VAV2: variants seen among roughly 807,000 people sequenced by gnomAD.
VAV2 encodes the protein guanine nucleotide exchange factor VAV2.
Under a neutral mutation model 132.5 loss-of-function variants are expected in VAV2, and 67 were observed. The observed-to-expected ratio is 0.51, with a 90% CI of 0.42 to 0.62. VAV2 has a LOEUF of 0.62. Among genes scored for constraint, VAV2 ranks in the 20% least tolerant of loss-of-function variants. The pLI, the probability that VAV2 is intolerant of heterozygous loss-of-function variation, is 0.00. For synonymous variants in VAV2, 492 were observed against 443.5 expected, an observed-to-expected ratio of 1.11 and a Z score of -1.37; for missense variants, 938 against 1,153.6, an observed-to-expected ratio of 0.81 and a Z score of 2.71.
chr9:133,786,788 G>T (rs1353060521), intron 16 of VAV2, among the ~76,000 whole-genome samples: 2 of 152,226 alleles, frequency 1.3e-5, no homozygotes, highest in East Asian at 1.9e-4. Flanking sequence ...CCAGAAAAAA[G>T]AGTTTGGCAA....
intron 15 of VAV2, among the ~76,000 whole-genome samples, chr9:133,787,701 C>A (rs1289029632): frequency 6.6e-6 from 1 of 151,488 alleles, no homozygotes; most frequent in African/African-American, 2.4e-5. Flanking sequence ...AGACAGCCAG[C>A]CAGCAATAGC....
intron 4 of VAV2, among the ~76,000 whole-genome samples, chr9:133,814,581 C>T (rs958815361): frequency 2.0e-5 from 3 of 152,190 alleles, no homozygotes; most frequent in Admixed American, 6.5e-5. Flanking sequence ...GGGGGTTGGC[C>T]GTTAAATGCT....
At chr9:133,901,451 C>A (rs999939337) in intron 2 of VAV2, among the ~76,000 whole-genome samples, 2 of 152,252 alleles carry the variant, frequency 1.3e-5, no homozygotes, top group African/African-American at 4.8e-5. Context: ...CCAGCATGGC[C>A]TGTGGTGGCT....
intron 3 of VAV2, among the ~76,000 whole-genome samples, chr9:133,854,890 G>A (rs982936048): frequency 2.0e-5 from 3 of 152,186 alleles, no homozygotes; most frequent in African/African-American, 7.2e-5. Context: ...AGGTGGCCAG[G>A]ATGTTTGATG....
chr9:133,882,796 G>A (rs2131943973), intron 2 of VAV2, among the ~76,000 whole-genome samples: 1 of 152,280 alleles, frequency 6.6e-6, no homozygotes, highest in East Asian at 1.9e-4. Context: ...GGATACAAAT[G>A]TCATAAGGTG....
intron 2 of VAV2, among the ~76,000 whole-genome samples, chr9:133,932,122 C>T (rs1393074567): frequency 2.0e-5 from 3 of 152,236 alleles, no homozygotes; most frequent in Admixed American, 2.0e-4. Context: ...AGAATCCTCC[C>T]TCCAAATGCC....
intron 4 of VAV2, among the ~76,000 whole-genome samples, chr9:133,831,433 T>A (rs1350591362): frequency 1.4e-5 from 2 of 144,186 alleles, no homozygotes; most frequent in African/African-American, 2.6e-5. Context: ...CAAAACTCCA[T>A]CTCAAAAAAA....
At chr9:133,796,808 C>A (rs1368955826) in intron 10 of VAV2, among the ~76,000 whole-genome samples, 1 of 152,228 alleles carries the variant, frequency 6.6e-6, no homozygotes, top group East Asian at 1.9e-4. Flanking sequence ...GCCTGCTGGG[C>A]CTGTCTGGAT....
At chr9:133,771,640 C>T (rs918451101) in intron 26 of VAV2, among the ~76,000 whole-genome samples, 11 of 152,158 alleles carry the variant, frequency 7.2e-5, no homozygotes, top group Non-Finnish European at 1.2e-4. Context: ...CCCCACTGGG[C>T]GTCAGTTTCT....
chr9:133,913,247 C>A lies in VAV2; in HGVS notation c.321+25856G>T, dbSNP rs115482878. Among the ~76,000 whole-genome samples the A allele has an allele frequency of 4.0e-3, 602 of 152,332 alleles. 7 individuals carry two copies. The highest frequency in any genetic ancestry group is 0.013 in the African/African-American group (561 of 41,568). On this transcript the variant is annotated intron_variant, in intron 2 of 29. Transcript: ENST00000371850. ...CCAAACAACGGCTCATAGCTGGCGCCACGGCCCCCATGAGAAGGACGATAA... is the reference window on the plus strand; with the variant it reads ...CCAAACAACGGCTCATAGCTGGCGCAACGGCCCCCATGAGAAGGACGATAA...
chr9:133,783,675 AC>A, intron 18 of VAV2, 84 bp from the exon 19 acceptor site: 1 of 1,218,726 alleles, frequency 8.2e-7, no homozygotes, highest in Non-Finnish European at 1.2e-6. Context: ...CCTTGTCCCC[AC>A]CCAGGCTCAC....
Position 133,879,149 on chromosome 9 carries a change from G to A in VAV2, c.322-17717C>T, listed in dbSNP as rs1838387117. ...GGCTCTGGACCCCGTCTCAGCTGCA[G>A]ACTCGCAGCAGTGCCGGAGCTCTCT... On this transcript the variant is annotated intron_variant, in intron 2 of 29. Transcript: ENST00000371850. This position sits in a 1 kb window ranked among gnomAD's most constrained non-coding sequence, Gnocchi z 4.4. Among the ~76,000 whole-genome samples the A allele has an allele frequency of 6.6e-6, 1 of 152,226 alleles. No individual in the cohort carries two copies. The highest frequency in any genetic ancestry group is 2.1e-4 in the South Asian group (1 of 4,834).
chr9:133,900,414 G>A (rs1839394640), intron 2 of VAV2, among the ~76,000 whole-genome samples: 1 of 152,098 alleles, frequency 6.6e-6, no homozygotes, highest in Non-Finnish European at 1.5e-5. Flanking sequence ...TTAGAAACCA[G>A]AACCCCTTTC....
At chr9:133,861,282 T>A in intron 3 of VAV2, 92 bp downstream of exon 3, 1 of 1,388,852 alleles carries the variant, frequency 7.2e-7, no homozygotes, top group South Asian at 1.4e-5. Context: ...GCAGAGGGCA[T>A]CTGCTTCCAA....
In VAV2 at chr9:133,879,656, G is replaced by A. The variant is rs780477245; in HGVS notation, c.322-18224C>T. 7.2e-5 allele frequency among the ~76,000 whole-genome samples: 11 copies of A among 152,168 alleles called. No homozygotes were observed. Among genetic ancestry groups the A allele is most frequent in the South Asian group, 2.1e-4 (1 of 4,818 alleles). On this transcript the variant is annotated intron_variant, in intron 2 of 29. Coordinates refer to ENST00000371850, the MANE Select transcript of VAV2 (RefSeq NM_001134398.2). The surrounding 1 kb of genome is among the most constrained non-coding windows in gnomAD (Gnocchi z 4.4). ...AGCAACAAGCCGCACACACCAGGAC[G>A]AACAGCACTGCTGGCTCAGATGAAC...
intron 9 of VAV2, among the ~76,000 whole-genome samples, chr9:133,805,507 C>T (rs979375400): frequency 2.0e-5 from 3 of 151,940 alleles, no homozygotes; most frequent in Non-Finnish European, 4.4e-5. Flanking sequence ...ACGCCATCTC[C>T]CCAGCCTCCG....
chr9:133,875,264 C>G (rs1838216380), intron 2 of VAV2, among the ~76,000 whole-genome samples: 1 of 152,206 alleles, frequency 6.6e-6, no homozygotes, highest in Admixed American at 6.5e-5. Flanking sequence ...CCCTCCGTGC[C>G]AAGGCCAGAC....
intron 8 of VAV2, among the ~76,000 whole-genome samples, chr9:133,806,760 AGGCCAGGAGGAAG>A (rs1420667480): frequency 6.6e-6 from 1 of 152,242 alleles, no homozygotes; most frequent in Non-Finnish European, 1.5e-5. Context: ...TGTGGCCGCC[AGGCCAGGAGGAAG>A]GGCCAGGAGC....
intron 11 of VAV2, among the ~76,000 whole-genome samples, chr9:133,795,968 A>T (rs1000302027): frequency 5.3e-5 from 8 of 152,232 alleles, no homozygotes; most frequent in Non-Finnish European, 1.5e-5. Context: ...GGATAAGGGA[A>T]GGGAGTGACC....
Sources: allele counts gnomAD v4.1 joint callset (sites outside exome capture counted in the v4.1 genomes callset), GRCh38; gene constraint gnomAD v4.1.1; non-coding constraint Gnocchi (gnomAD v3.1); transcripts MANE v1.5; gene names NCBI Gene and HGNC (gene_info 2026-07-23, HGNC 2026-07-21).